KCNH1: variants seen among roughly 807,000 people sequenced by gnomAD.
The protein encoded by KCNH1 is potassium voltage-gated channel subfamily H member 1, also known as voltage-gated delayed rectifier potassium channel KCNH1.
Under a neutral mutation model 69.2 loss-of-function variants are expected in KCNH1, and 27 were observed. The observed-to-expected ratio is 0.39, with a 90% CI of 0.29 to 0.54. The LOEUF (loss-of-function observed/expected upper bound fraction) is 0.54, where lower values mean the gene tolerates loss of function less well. Among genes scored for constraint, KCNH1 ranks in the 20% least tolerant of loss-of-function variants. KCNH1 has a pLI of 0.68. For synonymous variants in KCNH1, 456 were observed against 487.7 expected (o/e 0.93, Z 0.86); for missense variants, 798 against 1,261.6 (o/e 0.63, Z 5.57).
rs201384583 is a variant in KCNH1, at chr1:211,115,701, C to CTATATATATATATATATATATA, written c.80-8325_80-8324insTATATATATATATATATATATA. Among the ~76,000 whole-genome samples, 171 of 70,248 alleles carry CTATATATATATATATATATATA rather than the reference C, an allele frequency of 2.4e-3. 6 individuals carry two copies. The highest frequency in any genetic ancestry group is 3.5e-3 in the Non-Finnish European group (127 of 36,146). The allele number at this position is 70,248 out of a possible 152,430, so 46.1% of individuals were successfully genotyped here. On this transcript the variant is annotated intron_variant, in intron 1 of 10. Transcript: ENST00000271751. ...GTAAGTTAATACTTAATAAACTCCC[C>CTATATATATATATATATATATA]TATATATATATATATGTATATATAT...
chr1:211,076,924 T>C (rs1050313431), intron 5 of KCNH1, among the ~76,000 whole-genome samples: 1 of 152,138 alleles, frequency 6.6e-6, no homozygotes, highest in Non-Finnish European at 1.5e-5. Context: ...AATGACCTGA[T>C]GGAGCTGAAA....
intron 7 of KCNH1, chr1:210,859,205 T>C (rs1004818443): frequency 1.7e-5 from 27 of 1,610,856 alleles, no homozygotes; most frequent in African/African-American, 1.3e-4. Context: ...GCCTCCAAAA[T>C]TGAAAGAACT....
intron 7 of KCNH1, among the ~76,000 whole-genome samples, chr1:210,844,232 G>A (rs1010211402): frequency 1.3e-5 from 2 of 152,138 alleles, no homozygotes; most frequent in African/African-American, 2.4e-5. Flanking sequence ...ATTCAAATAG[G>A]TTTCTTCCAG....
chr1:210,699,238 A>G (rs1681715914), intron 10 of KCNH1, among the ~76,000 whole-genome samples: 1 of 152,058 alleles, frequency 6.6e-6, no homozygotes, highest in Admixed American at 6.6e-5. Context: ...GCCTCTCCCC[A>G]CCCTGAATTG....
intron 1 of KCNH1, among the ~76,000 whole-genome samples, chr1:211,128,381 T>A (rs1346504407): frequency 6.6e-6 from 1 of 151,540 alleles, no homozygotes; most frequent in Non-Finnish European, 1.5e-5. Flanking sequence ...TGCTATATGA[T>A]CTCATGCATA....
chr1:211,046,612 G>A (rs1690098674), intron 5 of KCNH1, among the ~76,000 whole-genome samples: 1 of 152,128 alleles, frequency 6.6e-6, no homozygotes, highest in Non-Finnish European at 1.5e-5. Context: ...GGCCACAAAG[G>A]TTTTAAGGGT....
chr1:210,978,160 T>C (rs1291591779), intron 6 of KCNH1, among the ~76,000 whole-genome samples: 1 of 151,686 alleles, frequency 6.6e-6, no homozygotes, highest in African/African-American at 2.4e-5. Context: ...TGTCTCAGCC[T>C]CCCGAGTAGC....
intron 5 of KCNH1, among the ~76,000 whole-genome samples, chr1:211,040,955 T>G (rs1180821113): frequency 1.3e-5 from 2 of 152,174 alleles, no homozygotes; most frequent in African/African-American, 4.8e-5. Flanking sequence ...CCTCCTCAAA[T>G]GCTTTACCCA....
Position 210,849,263 on chromosome 1 carries a change from AT to A in KCNH1, c.1463-45098del, listed in dbSNP as rs1246012561. Reference sequence around the variant, plus strand: ...AGAATTTCTGTAAGGATTCATTTGGATTACCATTGCCTCCTTGGAGGATTTG... The same window carrying A: ...AGAATTTCTGTAAGGATTCATTTGGATACCATTGCCTCCTTGGAGGATTTG... On this transcript the variant is annotated intron_variant, in intron 7 of 10. Transcript: ENST00000271751. Among the ~76,000 whole-genome samples, 5 of 152,034 alleles carry A rather than the reference AT, an allele frequency of 3.3e-5. No individual in the cohort carries two copies. The East Asian group carries it at 7.7e-4, about 23-fold the overall frequency.
At chr1:210,734,685 C>T (rs1435953605) in intron 10 of KCNH1, among the ~76,000 whole-genome samples, 1 of 151,958 alleles carries the variant, frequency 6.6e-6, no homozygotes, top group African/African-American at 2.4e-5. Flanking sequence ...TGGAAGATGC[C>T]ACCCCCCTTG....
chr1:211,046,589 G>A (rs1690098214), intron 5 of KCNH1, among the ~76,000 whole-genome samples: 1 of 152,126 alleles, frequency 6.6e-6, no homozygotes, highest in Admixed American at 6.6e-5. Flanking sequence ...GCTTAGAAAA[G>A]TAACTTGTCC....
At chr1:210,735,763 ACACACATGCACATGCATG>A (rs1190429513) in intron 10 of KCNH1, among the ~76,000 whole-genome samples, 1 of 151,834 alleles carries the variant, frequency 6.6e-6, no homozygotes, top group African/African-American at 2.4e-5. Flanking sequence ...CTGTCCCTAT[ACACACATGCACATGCATG>A]CATGCATGCA....
intron 6 of KCNH1, among the ~76,000 whole-genome samples, chr1:211,010,973 T>G (rs1689380207): frequency 2.0e-5 from 3 of 152,068 alleles, no homozygotes; most frequent in Admixed American, 2.0e-4. Context: ...TGCTCCCCAG[T>G]GCTAAACTCT....
intron 10 of KCNH1, among the ~76,000 whole-genome samples, chr1:210,695,416 T>C (rs1232993861): frequency 1.3e-5 from 2 of 152,360 alleles, no homozygotes; most frequent in East Asian, 3.9e-4. Flanking sequence ...CCTTAGGACC[T>C]GGACCATTTC....
chr1:210,683,907 G>T lies in KCNH1; in HGVS notation c.2344C>A (p.Leu782Ile). The change falls in exon 11 of 11, where the codon CTC becomes ATC. Residue 782 changes from leucine to isoleucine, a missense_variant. Transcript: ENST00000271751. This position sits in a 1 kb window ranked among gnomAD's most constrained non-coding sequence, Gnocchi z 5.7. ...LTEHASANHS[L>I]VKASVVTVRE... is the part of the protein sequence containing the mutation. ...ACGGTGACCACGCTGGCCTTCACGAGGCTGTGGTTGGCGGAGGCATGCTCT... is the reference window on the plus strand; with the variant it reads ...ACGGTGACCACGCTGGCCTTCACGATGCTGTGGTTGGCGGAGGCATGCTCT... 1 of 1,613,318 alleles carries T rather than the reference G, an allele frequency of 6.2e-7. No homozygotes were observed. Among genetic ancestry groups the T allele is most frequent in the Non-Finnish European group, 8.5e-7 (1 of 1,179,330 alleles).
At chr1:210,879,736 T>C (rs1686454706) in intron 7 of KCNH1, among the ~76,000 whole-genome samples, 2 of 152,052 alleles carry the variant, frequency 1.3e-5, no homozygotes, top group African/African-American at 4.8e-5. Flanking sequence ...TTTTCCAATA[T>C]ACTGAAGGTC....
In KCNH1 at chr1:211,004,517, TA is replaced by T. The variant is rs565084880; in HGVS notation, c.1032+14265del. ...AGTGCCCACCCAAAGTGTAGTAAAATAATATAGAAAGTTAACAGAAAGGTGA... is the reference window on the plus strand; with the variant it reads ...AGTGCCCACCCAAAGTGTAGTAAAATATATAGAAAGTTAACAGAAAGGTGA... On this transcript the variant is annotated intron_variant, in intron 6 of 10. Transcript: ENST00000271751. Among the ~76,000 whole-genome samples the T allele has an allele frequency of 4.0e-4, 61 of 151,722 alleles. No homozygotes were observed. The South Asian group carries it at 0.013, about 32-fold the overall frequency.
At chr1:210,847,567 A>G (rs1267904352) in intron 7 of KCNH1, among the ~76,000 whole-genome samples, 1 of 111,704 alleles carries the variant, frequency 9.0e-6, no homozygotes, top group Non-Finnish European at 1.8e-5. Context: ...ACATCACACA[A>G]CGGGGCCTGT....
intron 10 of KCNH1, among the ~76,000 whole-genome samples, chr1:210,744,625 T>C (rs546129411): frequency 6.6e-5 from 10 of 151,894 alleles, no homozygotes; most frequent in East Asian, 1.9e-4. Flanking sequence ...GCTTGGGCAA[T>C]AGAGTGAGAC....
Sources: gnomAD v4.1 joint callset for allele counts (sites outside exome capture counted in the v4.1 genomes callset) on GRCh38, gnomAD v4.1.1 for gene constraint, Gnocchi (gnomAD v3.1) non-coding constraint, MANE v1.5 for transcripts, NCBI Gene and HGNC (gene_info 2026-07-23, HGNC 2026-07-21) for gene names.